ARHGAP24: variants seen among roughly 807,000 people sequenced by gnomAD.
ARHGAP24 encodes Rho GTPase activating protein 24, also known as rho GTPase-activating protein 24.
ARHGAP24 carries 50 observed loss-of-function variants against 76.4 expected under a neutral mutation model. The ratio of observed to expected loss-of-function variants is 0.65; its 90% confidence interval spans 0.52 to 0.83. The LOEUF (loss-of-function observed/expected upper bound fraction) is 0.83. ARHGAP24 is among the 40% of genes least tolerant of loss of function. The pLI, the probability that ARHGAP24 is intolerant of heterozygous loss-of-function variation, is 0.00. For synonymous variants in ARHGAP24, 345 were observed against 323.3 expected (o/e 1.07, Z -0.72); for missense variants, 930 against 914.2 (o/e 1.02, Z -0.22).
intron 3 of ARHGAP24, among the ~76,000 whole-genome samples, chr4:85,915,822 G>A (rs1409950803): frequency 6.6e-6 from 1 of 152,096 alleles, no homozygotes; most frequent in Non-Finnish European, 1.5e-5. Context: ...GTCTATCATT[G>A]ATGGGCATTT....
chr4:85,540,515 T>C (rs1014828318), intron 1 of ARHGAP24, among the ~76,000 whole-genome samples: 3 of 152,212 alleles, frequency 2.0e-5, no homozygotes, highest in African/African-American at 7.2e-5. Context: ...ATCAATTTTA[T>C]TGGAGCATAG....
At chr4:85,497,553 G>A (rs1168429189) in intron 1 of ARHGAP24, among the ~76,000 whole-genome samples, 2 of 151,990 alleles carry the variant, frequency 1.3e-5, no homozygotes, top group Non-Finnish European at 2.9e-5. Context: ...CAGGCACAGT[G>A]GCTCATGCCT....
rs187867734 is a variant in ARHGAP24, at chr4:85,497,937, T to C, written c.-21+22378T>C. On this transcript the variant is annotated intron_variant, in intron 1 of 9. Transcript: ENST00000395184. ...ACGGCAGTTTTGCCAGGTTTGGGTC[T>C]CCCTCGGTGTTCAATTTCCTTCTCC... Among the ~76,000 whole-genome samples, 552 of 152,352 alleles carry C rather than the reference T, an allele frequency of 3.6e-3. 2 individuals carry two copies. Among genetic ancestry groups the C allele is most frequent in the African/African-American group, 0.013 (529 of 41,586 alleles).
intron 1 of ARHGAP24, among the ~76,000 whole-genome samples, chr4:85,513,552 T>C (rs1724366244): frequency 7.1e-6 from 1 of 141,242 alleles, no homozygotes; most frequent in Admixed American, 6.8e-5. Flanking sequence ...AATGATTGCC[T>C]TTTTTTTAAA....
chr4:85,740,844 G>T (rs987977115), intron 3 of ARHGAP24, among the ~76,000 whole-genome samples: 1 of 152,128 alleles, frequency 6.6e-6, no homozygotes, highest in Non-Finnish European at 1.5e-5. Flanking sequence ...TCTTATAGAT[G>T]CAGCTCAGTA....
chr4:85,827,891 T>C, intron 3 of ARHGAP24: 1 of 1,289,596 alleles, frequency 7.8e-7, no homozygotes, highest in African/African-American at 1.5e-5. Flanking sequence ...TTTAAGCGAC[T>C]CAGGACAGAG....
chr4:85,640,786 A>G (rs1045595736), intron 2 of ARHGAP24, among the ~76,000 whole-genome samples: 3 of 152,130 alleles, frequency 2.0e-5, no homozygotes, highest in African/African-American at 7.2e-5. Flanking sequence ...ATGGCTTTGC[A>G]TTTGCATAAA....
At chr4:85,743,306 C>A (rs191124748) in intron 3 of ARHGAP24, among the ~76,000 whole-genome samples, 114 of 142,358 alleles carry the variant, frequency 8.0e-4, no homozygotes, top group African/African-American at 2.9e-3. Context: ...TCAAATCAAG[C>A]ATTTGAAAGA....
chr4:85,761,595 T>C (rs116116751), intron 3 of ARHGAP24, among the ~76,000 whole-genome samples: 2,259 of 152,312 alleles, frequency 0.015, 50 homozygotes, highest in African/African-American at 0.051. Context: ...GAAGACTTTT[T>C]TATTTTAAGG....
chr4:85,544,721 T>C lies in ARHGAP24; in HGVS notation c.-20-25801T>C, dbSNP rs541998234. ...ATACATATATATATACACATACATA[T>C]ATGTAAATTTTTTTGCAAGACAATG... On this transcript the variant is annotated intron_variant, in intron 1 of 9. Transcript: ENST00000395184. Among the ~76,000 whole-genome samples the C allele has an allele frequency of 3.3e-5, 5 of 152,224 alleles. 1 individual carries two copies. The South Asian group carries it at 1.0e-3, about 32-fold the overall frequency.
At chr4:85,491,720 A>C (rs944149162) in intron 1 of ARHGAP24, among the ~76,000 whole-genome samples, 1 of 152,144 alleles carries the variant, frequency 6.6e-6, no homozygotes, top group Non-Finnish European at 1.5e-5. Flanking sequence ...TGGCCAGAGT[A>C]CTGTCAACCA....
intron 2 of ARHGAP24, among the ~76,000 whole-genome samples, chr4:85,638,457 A>G (rs1721402530): frequency 6.6e-6 from 1 of 152,172 alleles, no homozygotes; most frequent in South Asian, 2.1e-4. Flanking sequence ...TTCTCCAAAA[A>G]TGTCCAATGG....
chr4:85,796,726 G>A (rs1287208168), intron 3 of ARHGAP24, among the ~76,000 whole-genome samples: 2 of 152,078 alleles, frequency 1.3e-5, no homozygotes, highest in African/African-American at 4.8e-5. Context: ...TTCTGTCGGG[G>A]GGAATTGAGC....
chr4:85,521,796 C>A (rs75478860), intron 1 of ARHGAP24, among the ~76,000 whole-genome samples: 1,594 of 152,236 alleles, frequency 0.01, 30 homozygotes, highest in Non-Finnish European at 0.015. Context: ...TCATAGGAAA[C>A]GTCACAGGAG....
intron 1 of ARHGAP24, among the ~76,000 whole-genome samples, chr4:85,490,878 C>T (rs1294294637): frequency 6.6e-6 from 1 of 152,110 alleles, no homozygotes; most frequent in African/African-American, 2.4e-5. Flanking sequence ...AAAAATTTTC[C>T]CCACAGGGAC....
chr4:85,527,455 G>A (rs1420430466), intron 1 of ARHGAP24, among the ~76,000 whole-genome samples: 18 of 152,164 alleles, frequency 1.2e-4, no homozygotes, highest in Admixed American at 1.1e-3. Context: ...TGAGCCACAT[G>A]ATTTTTATAA....
At chr4:85,624,219 G>T (rs937404682) in intron 2 of ARHGAP24, among the ~76,000 whole-genome samples, 8 of 152,032 alleles carry the variant, frequency 5.3e-5, no homozygotes, top group African/African-American at 1.9e-4. Context: ...ATTGGCTGTG[G>T]GTTTGTCATA....
At chr4:85,655,766 C>CATATATATATATATATATATATATAT (rs370571889) in intron 2 of ARHGAP24, among the ~76,000 whole-genome samples, 1 of 69,056 alleles carries the variant, frequency 1.4e-5, no homozygotes, top group African/African-American at 1.0e-4. Flanking sequence ...AGTGAGACTC[C>CATATATATATATATATATATATATAT]ATATATATAT....
chr4:85,828,118 T>C, intron 3 of ARHGAP24: 1 of 570,076 alleles, frequency 1.8e-6, no homozygotes, highest in Non-Finnish European at 3.0e-6. Context: ...CCTTGTTTTC[T>C]GTCATGATCC....
Sources: gnomAD v4.1 joint callset for allele counts (sites outside exome capture counted in the v4.1 genomes callset) on GRCh38, gnomAD v4.1.1 for gene constraint, MANE v1.5 for transcripts, NCBI Gene and HGNC (gene_info 2026-07-23, HGNC 2026-07-21) for gene names.